Variants in INTS7 observed in about 807,000 individuals in gnomAD.
The protein encoded by INTS7 is integrator complex subunit 7.
A neutral mutation model predicts 109.2 loss-of-function variants in INTS7; 46 were observed. The ratio of observed to expected loss-of-function variants is 0.42; its 90% CI spans 0.33 to 0.54. The LOEUF (loss-of-function observed/expected upper bound fraction) is 0.54, where lower values mean the gene tolerates loss of function less well. Among genes scored for constraint, INTS7 ranks in the 20% least tolerant of loss-of-function variants. The pLI is 0.07. For synonymous variants in INTS7, 412 were observed against 402.9 expected (o/e 1.02, Z -0.27); for missense variants, 929 against 1,132.4 (o/e 0.82, Z 2.58).
At chr1:212,014,955 C>G (rs993748610) in intron 4 of INTS7, among the ~76,000 whole-genome samples, 4 of 152,238 alleles carry the variant, frequency 2.6e-5, no homozygotes, top group African/African-American at 7.2e-5. Context: ...CCGGCCGCCA[C>G]CCCGTCTGGG....
rs1663492277 is a variant in INTS7, at chr1:211,959,043, C to G, written c.2184-6342G>C. Among the ~76,000 whole-genome samples, 1 of 152,166 alleles carries G rather than the reference C, an allele frequency of 6.6e-6. No homozygotes were observed. Among genetic ancestry groups the G allele is most frequent in the African/African-American group, 2.4e-5 (1 of 41,444 alleles). On this transcript the variant is annotated intron_variant, in intron 16 of 19. Transcript: ENST00000366994. This position sits in a 1 kb window ranked among gnomAD's most constrained non-coding sequence, Gnocchi z 4.2. ...GTGACTTGAACTGGCAAAAAAACAA[C>G]CAGCTACTGCCACGGGCCTCTGGAA...
At chr1:212,020,292 G>A in intron 2 of INTS7, 24 bp from the exon 3 acceptor site, 4 of 1,433,064 alleles carry the variant, frequency 2.8e-6, no homozygotes, top group Non-Finnish European at 3.8e-6. Flanking sequence ...AAATAAATTA[G>A]GTCACTTTAG....
At chr1:211,976,783 T>C (rs1230747747) in intron 11 of INTS7, 64 bp from the exon 12 acceptor site, 2 of 1,517,870 alleles carry the variant, frequency 1.3e-6, no homozygotes, top group Admixed American at 3.4e-5. Context: ...ATTGATAACC[T>C]ACCCCAAAGG....
chr1:212,013,379 T>C (rs1215020328), intron 4 of INTS7, among the ~76,000 whole-genome samples: 1 of 152,224 alleles, frequency 6.6e-6, no homozygotes, highest in Admixed American at 6.5e-5. Context: ...AGTATGTTTA[T>C]ACAGCTGTAT....
chr1:211,985,476 C>A (rs1261408911), intron 8 of INTS7, among the ~76,000 whole-genome samples: 2 of 151,918 alleles, frequency 1.3e-5, no homozygotes, highest in African/African-American at 4.8e-5. Flanking sequence ...TTTATTTAAG[C>A]CTTTGCTTAA....
chr1:212,020,943 G>T, intron 2 of INTS7, 140 bp downstream of exon 2: 1 of 762,046 alleles, frequency 1.3e-6, no homozygotes. Flanking sequence ...TCACACTGAT[G>T]TGCTGCACAC....
At position 211,946,641 on chromosome 1, in the gene INTS7, T is replaced by A. The variant is rs928932588; in HGVS notation, c.2381A>T (p.Tyr794Phe). Residue 794 changes from tyrosine to phenylalanine, a missense_variant, in exon 18 of 20, where the codon TAT becomes TTT. Physicochemically the swap from Tyr to Phe is conservative, Grantham distance 22. Coordinates refer to ENST00000366994, the MANE Select transcript of INTS7 (RefSeq NM_015434.4). The surrounding 1 kb of genome is among the most constrained non-coding windows in gnomAD (Gnocchi z 4.3). ...GGTAGACTGTAGTTTCTGGAAAAAA[T>A]ATCTCTGGAAAGAAAGGGGAACTTT... ...LLKVPLSFQR[Y>F]FFQKLQSTSI... 6.2e-7 allele frequency: 1 copy of A among 1,612,912 alleles called. No individual in the cohort carries two copies. The highest frequency in any genetic ancestry group is 1.1e-5 in the South Asian group (1 of 91,038).
chr1:211,977,391 A>T (rs926398622), intron 11 of INTS7, among the ~76,000 whole-genome samples: 1 of 152,240 alleles, frequency 6.6e-6, no homozygotes, highest in Non-Finnish European at 1.5e-5. Flanking sequence ...CAGGACCGTT[A>T]GTTCAAAATG....
chr1:211,952,680 A>T lies in INTS7; in HGVS notation c.2205T>A (p.Thr735=). 5 of 1,612,754 alleles carry T rather than the reference A, an allele frequency of 3.1e-6. No homozygotes were observed. Among genetic ancestry groups the T allele is most frequent in the Non-Finnish European group, 1.7e-6 (2 of 1,179,298 alleles). ...ESASFQEYGS[T]GTAHADSEYE... ...ATTCACTATCAGCATGGGCTGTTCCAGTAGATCCATATTCCTGGAAACTGA... is the reference window on the plus strand; with the variant it reads ...ATTCACTATCAGCATGGGCTGTTCCTGTAGATCCATATTCCTGGAAACTGA... The change falls in exon 17 of 20, where the codon ACT becomes ACA. Residue 735 remains threonine, a synonymous_variant. Coordinates refer to ENST00000366994, the MANE Select transcript of INTS7 (RefSeq NM_015434.4).
intron 16 of INTS7, among the ~76,000 whole-genome samples, chr1:211,953,689 T>C (rs1475165528): frequency 2.0e-5 from 3 of 151,470 alleles, no homozygotes; most frequent in Non-Finnish European, 2.9e-5. Context: ...CTGAGAATGA[T>C]GATTTCCAGT....
At chr1:211,966,382 G>T in intron 16 of INTS7, 48 bp downstream of exon 16, 2 of 1,025,964 alleles carry the variant, frequency 1.9e-6, no homozygotes, top group Non-Finnish European at 3.1e-6. Context: ...GTAAGACAAT[G>T]TATAGAAAGT....
intron 16 of INTS7, among the ~76,000 whole-genome samples, chr1:211,961,330 G>C (rs905126438): frequency 7.2e-5 from 11 of 151,884 alleles, no homozygotes; most frequent in African/African-American, 2.7e-4. Context: ...CAGCTAGAAA[G>C]GTCAGGCCAC....
At chr1:211,963,286 C>A (rs1663724994) in intron 16 of INTS7, among the ~76,000 whole-genome samples, 1 of 151,896 alleles carries the variant, frequency 6.6e-6, no homozygotes, top group Non-Finnish European at 1.5e-5. Context: ...AAGACTGAAC[C>A]AGGAAGAAAC....
Position 211,968,547 on chromosome 1 carries a change from T to C in INTS7, c.1976A>G (p.Asn659Ser), listed in dbSNP as rs771489671. Residue 659 changes from asparagine to serine, a missense_variant, in exon 14 of 20, where the codon AAT becomes AGT. Physicochemically the swap from Asn to Ser is conservative, Grantham distance 46. Around this residue, in one of 2 missense-constraint regions of INTS7, gnomAD observed 787 missense variants for 901.1 expected, o/e 0.87. Transcript: ENST00000366994. ...GATGCGACCACACCTCTGGAGGTCA[T>C]TTCCTAAGGTCATGGCAATTGTTGT... ...IATTIAMTLGNDLQRCGRISN... is the reference protein window; with the variant it reads ...IATTIAMTLGSDLQRCGRISN... The C allele has an allele frequency of 7.4e-6, 12 of 1,613,938 alleles. No homozygotes were observed. The highest frequency in any genetic ancestry group is 8.5e-6 in the Non-Finnish European group (10 of 1,179,960).
chr1:211,992,058 G>C (rs1467744912), intron 7 of INTS7, among the ~76,000 whole-genome samples: 1 of 152,112 alleles, frequency 6.6e-6, no homozygotes, highest in Non-Finnish European at 1.5e-5. Flanking sequence ...TTTTAAAAAA[G>C]TGATTATTAT....
chr1:212,025,680 G>C (rs1454052645), intron 1 of INTS7: 2 of 166,784 alleles, frequency 1.2e-5, no homozygotes, highest in Admixed American at 1.2e-4. Context: ...TGGAGTCACA[G>C]CTGTACCAGG....
chr1:212,007,197 A>T, intron 6 of INTS7, 53 bp downstream of exon 6: 1 of 1,225,202 alleles, frequency 8.2e-7, no homozygotes, highest in Non-Finnish European at 1.2e-6. Context: ...CTAATCATAT[A>T]TTTAATATGT....
chr1:212,013,676 T>G (rs1212947647), intron 4 of INTS7, among the ~76,000 whole-genome samples: 1 of 152,212 alleles, frequency 6.6e-6, no homozygotes, highest in East Asian at 1.9e-4. Context: ...TATACAGGAA[T>G]ACCATTTTTA....
chr1:211,944,417 T>C (rs1662760444), intron 19 of INTS7, among the ~76,000 whole-genome samples: 1 of 152,172 alleles, frequency 6.6e-6, no homozygotes, highest in African/African-American at 2.4e-5. Context: ...TGCCCTGCCA[T>C]AAATTTTATA....
Sources: allele counts gnomAD v4.1 joint callset (sites outside exome capture counted in the v4.1 genomes callset), GRCh38; gene constraint gnomAD v4.1.1; regional missense constraint gnomAD v4.1.1; non-coding constraint Gnocchi (gnomAD v3.1); transcripts MANE v1.5; gene names NCBI Gene and HGNC (gene_info 2026-07-23, HGNC 2026-07-21).